LRIG2: variants seen among roughly 807,000 people sequenced by gnomAD.
The protein encoded by LRIG2 is leucine rich repeats and immunoglobulin like domains 2.
In LRIG2, 93 loss-of-function variants were observed where a neutral mutation model predicts 107.8. That is an observed-to-expected ratio of 0.86 (90% CI 0.73 to 1.03). LRIG2 has a LOEUF of 1.03. LRIG2 is among the 50% of genes least tolerant of loss of function. LRIG2 has a pLI of 0.00. For synonymous variants in LRIG2, 471 were observed against 470.6 expected, an observed-to-expected ratio of 1.00 and a Z score of -0.01; for missense variants, 1,226 against 1,296.0, an observed-to-expected ratio of 0.95 and a Z score of 0.83.
At position 113,084,400 on chromosome 1, in the gene LRIG2, A is replaced by G. The variant is rs183179005; in HGVS notation, c.240-6918A>G. Among the ~76,000 whole-genome samples, 53 of 152,022 alleles carry G rather than the reference A, an allele frequency of 3.5e-4. 1 individual carries two copies. In the East Asian group the frequency reaches 8.5e-3, roughly 24 times the overall value. ...CCGGCTGATTTTTTATATTTTTAGT[A>G]GAGACGGGGTTTCACCGTGTTAGCC... is the stretch of plus-strand genomic sequence containing the variant. On this transcript the variant is annotated intron_variant, in intron 1 of 17. Coordinates refer to ENST00000361127, the MANE Select transcript of LRIG2 (RefSeq NM_014813.3).
intron 14 of LRIG2, among the ~76,000 whole-genome samples, chr1:113,114,099 TGTA>T: frequency 6.6e-6 from 1 of 152,336 alleles, no homozygotes; most frequent in African/African-American, 2.4e-5. Flanking sequence ...TTACACATTT[TGTA>T]GTAAACATCT....
intron 1 of LRIG2, among the ~76,000 whole-genome samples, chr1:113,083,427 C>T (rs1259252840): frequency 6.8e-6 from 1 of 146,482 alleles, no homozygotes. Flanking sequence ...CTCACTGCAA[C>T]CTCTGCCTCC....
At position 113,131,661 on chromosome 1, in the gene LRIG2, T is replaced by C. The variant is rs895334029; in HGVS notation, c.*7560T>C. 1.3e-5 allele frequency: 2 copies of C among 152,216 alleles called. No individual in the cohort carries two copies. Among genetic ancestry groups the C allele is most frequent in the Non-Finnish European group, 2.9e-5 (2 of 68,038 alleles). The allele number at this position is 152,216 out of a possible 1,614,324, so 9.4% of individuals were successfully genotyped here. On this transcript the variant is annotated 3_prime_UTR_variant, in exon 18 of 18. Coordinates refer to ENST00000361127, the MANE Select transcript of LRIG2 (RefSeq NM_014813.3). ...CTAAACCAACATCAGTTAGCCTTGA[T>C]TTTCTTTCTTTTTTGGACAATTGTC...
intron 6 of LRIG2, among the ~76,000 whole-genome samples, chr1:113,095,105 T>C (rs1277041249): frequency 6.6e-6 from 1 of 151,884 alleles, no homozygotes; most frequent in Non-Finnish European, 1.5e-5. Context: ...TCTGAGTAGC[T>C]GGGATTACAG....
At chr1:113,079,033 A>C (rs1653126984) in intron 1 of LRIG2, among the ~76,000 whole-genome samples, 1 of 152,126 alleles carries the variant, frequency 6.6e-6, no homozygotes, top group African/African-American at 2.4e-5. Flanking sequence ...GCTTTAAACC[A>C]CAAGTTGGTA....
In LRIG2 at chr1:113,131,530, T is replaced by C. The variant is rs1044975664; in HGVS notation, c.*7429T>C. 6.6e-6 allele frequency: 1 copy of C among 152,232 alleles called. No homozygotes were observed. The highest frequency in any genetic ancestry group is 1.5e-5 in the Non-Finnish European group (1 of 68,042). The allele number at this position is 152,232 out of a possible 1,614,324, so 9.4% of individuals were successfully genotyped here. A position where few individuals can be genotyped will look rare whatever the true frequency, so the allele number is the denominator to read the frequency against. On this transcript the variant is annotated 3_prime_UTR_variant, in exon 18 of 18. Transcript: ENST00000361127. The stretch of plus-strand genomic sequence containing the variant: ...AGCTAAGATTCTTTTTTTGGCAACC[T>C]GCAAGTAATGTTTCATTTTTCTATT...
Position 113,110,220 on chromosome 1 carries a change from G to A in LRIG2, c.1478-22G>A, listed in dbSNP as rs140313353. ...AAAAATAAATAACTGACTTGGCTACGGATGCATTTTTTTCCCCTTAGATGA... is the reference window on the plus strand; with the variant it reads ...AAAAATAAATAACTGACTTGGCTACAGATGCATTTTTTTCCCCTTAGATGA... On this transcript the variant is annotated intron_variant, in intron 12 of 17. Transcript: ENST00000361127. 8.8e-4 allele frequency: 1,328 copies of A among 1,508,302 alleles called. 3 individuals are homozygous for A. Among genetic ancestry groups the A allele is most frequent in the Non-Finnish European group, 1.1e-3 (1,203 of 1,109,888 alleles). 93.4% of individuals were successfully genotyped at this position (1,508,302 alleles called of 1,614,324 possible). A position where few individuals can be genotyped will look rare whatever the true frequency, so the allele number is the denominator to read the frequency against.
chr1:113,127,768 A>T lies in LRIG2; in HGVS notation c.*3667A>T, dbSNP rs376891991. 6.6e-6 allele frequency: 1 copy of T among 151,536 alleles called. No homozygotes were observed. The highest frequency in any genetic ancestry group is 1.9e-4 in the East Asian group (1 of 5,136). The allele number at this position is 151,536 out of a possible 1,614,324, so 9.4% of individuals were successfully genotyped here. On this transcript the variant is annotated 3_prime_UTR_variant, in exon 18 of 18. Coordinates refer to ENST00000361127, the MANE Select transcript of LRIG2 (RefSeq NM_014813.3). ...TTTTTAGTAGAGACGGGGTTTCTCC[A>T]TGTTGGTCAGGCTGGCCTCGAACTC...
At chr1:113,104,613 G>A (rs897752635) in intron 11 of LRIG2, among the ~76,000 whole-genome samples, 1 of 151,848 alleles carries the variant, frequency 6.6e-6, no homozygotes, top group Non-Finnish European at 1.5e-5. Flanking sequence ...TGCCTTCCGG[G>A]TTCAAGCAGT....
chr1:113,075,142 G>A (rs1652913058), intron 1 of LRIG2, among the ~76,000 whole-genome samples: 1 of 152,128 alleles, frequency 6.6e-6, no homozygotes, highest in South Asian at 2.1e-4. Flanking sequence ...AACCCGGGAG[G>A]GCGAGGTTGG....
intron 1 of LRIG2, among the ~76,000 whole-genome samples, chr1:113,086,720 C>T (rs552901618): frequency 6.6e-6 from 1 of 152,250 alleles, no homozygotes; most frequent in East Asian, 1.9e-4. Context: ...ACCTCTGGCT[C>T]CACATGATAT....
At chr1:113,094,154 A>G (rs1653946677) in intron 4 of LRIG2, among the ~76,000 whole-genome samples, 185 bp from the exon 5 acceptor site, 1 of 152,226 alleles carries the variant, frequency 6.6e-6, no homozygotes, top group Non-Finnish European at 1.5e-5. Flanking sequence ...GTAACAACCT[A>G]AATGAAGTAG....
chr1:113,076,383 G>C (rs1316346007), intron 1 of LRIG2, among the ~76,000 whole-genome samples: 4 of 152,214 alleles, frequency 2.6e-5, no homozygotes, highest in Admixed American at 1.3e-4. Context: ...ATATTTTTGT[G>C]TTAAGGTTTG....
At chr1:113,120,098 C>T (rs1037621196) in intron 17 of LRIG2, among the ~76,000 whole-genome samples, 5 of 151,798 alleles carry the variant, frequency 3.3e-5, no homozygotes, top group East Asian at 2.0e-4. Context: ...TGTGAGCCAC[C>T]GCACCCGGTA....
At chr1:113,088,041 T>C (rs1030740220) in intron 1 of LRIG2, among the ~76,000 whole-genome samples, 1 of 152,272 alleles carries the variant, frequency 6.6e-6, no homozygotes, top group South Asian at 2.1e-4. Context: ...AGTTAGACAC[T>C]TGATAACTTA....
chr1:113,093,074 T>G (rs76477170), intron 2 of LRIG2, 132 bp from the exon 3 acceptor site: 34,293 of 594,238 alleles, frequency 0.058, 1,242 homozygotes, highest in South Asian at 0.073. Flanking sequence ...TATTTTCGTC[T>G]AACTCATTCT....
At chr1:113,075,519 T>C (rs1396129256) in intron 1 of LRIG2, among the ~76,000 whole-genome samples, 1 of 152,118 alleles carries the variant, frequency 6.6e-6, no homozygotes, top group Non-Finnish European at 1.5e-5. Context: ...ATTTAAAAAC[T>C]CCTATCAGTG....
chr1:113,091,963 T>C (rs1481747131), intron 2 of LRIG2, among the ~76,000 whole-genome samples: 2 of 152,232 alleles, frequency 1.3e-5, no homozygotes, highest in African/African-American at 4.8e-5. Context: ...ATAGGCCTAT[T>C]TGCCTCTACA....
intron 15 of LRIG2, among the ~76,000 whole-genome samples, chr1:113,115,333 G>A (rs1654958197): frequency 6.6e-6 from 1 of 152,118 alleles, no homozygotes; most frequent in Admixed American, 6.5e-5. Flanking sequence ...TCCCATCTCG[G>A]CCTTCTGAGA....
Sources: gnomAD v4.1 joint callset for allele counts (sites outside exome capture counted in the v4.1 genomes callset) on GRCh38, gnomAD v4.1.1 for gene constraint, MANE v1.5 for transcripts, NCBI Gene and HGNC (gene_info 2026-07-23, HGNC 2026-07-21) for gene names.